PKHD1: variants seen among roughly 807,000 people sequenced by gnomAD.
PKHD1 encodes fibrocystin.
PKHD1 carries 291 observed loss-of-function variants against 412.0 expected under a neutral mutation model. That is an observed-to-expected ratio of 0.71 (90% CI 0.64 to 0.78). The LOEUF is 0.78. Ranked by LOEUF, PKHD1 falls within the 30% of genes least tolerant of loss-of-function variation. PKHD1 has a pLI of 0.00. For missense variants in PKHD1, 4,825 were observed against 4,950.7 expected (o/e 0.97, Z 0.76); for synonymous variants, 1,777 against 1,821.5 (o/e 0.98, Z 0.62).
At chr6:51,680,527 T>C (rs974123351) in intron 60 of PKHD1, among the ~76,000 whole-genome samples, 3 of 152,070 alleles carry the variant, frequency 2.0e-5, no homozygotes, top group African/African-American at 4.8e-5. Flanking sequence ...TCCAGGTATA[T>C]GTTCTATTTT....
chr6:52,079,691 G>A (rs1423010590), intron 5 of PKHD1, among the ~76,000 whole-genome samples: 1 of 152,164 alleles, frequency 6.6e-6, no homozygotes, highest in Non-Finnish European at 1.5e-5. Flanking sequence ...ATCAAATGAT[G>A]TACATAAAGC....
chr6:51,819,845 T>C (rs376263209), intron 52 of PKHD1, among the ~76,000 whole-genome samples: 78 of 152,344 alleles, frequency 5.1e-4, no homozygotes, highest in African/African-American at 1.8e-3. Flanking sequence ...GGATGGCATT[T>C]GGACCATTAG....
chr6:51,891,634 A>G (rs1453145370), intron 43 of PKHD1, among the ~76,000 whole-genome samples: 2 of 151,828 alleles, frequency 1.3e-5, no homozygotes. Context: ...ACTGGCAGTG[A>G]TAATATAGCG....
intron 60 of PKHD1, among the ~76,000 whole-genome samples, chr6:51,676,155 G>A (rs1775807546): frequency 1.3e-5 from 2 of 149,354 alleles, no homozygotes; most frequent in South Asian, 2.1e-4. Flanking sequence ...TGTCCTTCCT[G>A]TCGTGAAATG....
intron 52 of PKHD1, among the ~76,000 whole-genome samples, chr6:51,807,086 C>G (rs758975307): frequency 6.6e-5 from 10 of 152,044 alleles, no homozygotes; most frequent in Non-Finnish European, 1.3e-4. Context: ...CTGCTAATAA[C>G]CAATAGAAAT....
Position 51,648,130 on chromosome 6 carries a change from A to C in PKHD1, c.11311-12T>G. 2 of 1,482,014 alleles carry C rather than the reference A, an allele frequency of 1.3e-6. No individual in the cohort carries two copies. The highest frequency in any genetic ancestry group is 1.1e-5 in the South Asian group (1 of 88,518). The allele number at this position is 1,482,014 out of a possible 1,614,324, so 91.8% of individuals were successfully genotyped here. Reference sequence around the variant, plus strand: ...TCTACTCTTCGATTCTAGAAATGGGAATAGGAGGAGGGAGGAAGAAAAAGT... The same window carrying C: ...TCTACTCTTCGATTCTAGAAATGGGCATAGGAGGAGGGAGGAAGAAAAAGT... On this transcript the variant is annotated splice_polypyrimidine_tract_variant and intron_variant, in intron 62 of 66. Coordinates refer to ENST00000371117, the MANE Select transcript of PKHD1 (RefSeq NM_138694.4).
intron 60 of PKHD1, among the ~76,000 whole-genome samples, chr6:51,674,626 T>C (rs1775546862): frequency 6.6e-6 from 1 of 152,136 alleles, no homozygotes; most frequent in African/African-American, 2.4e-5. Context: ...TTTGGCAAAG[T>C]TAAATGTAGT....
chr6:51,810,410 T>C (rs2397068), intron 52 of PKHD1, among the ~76,000 whole-genome samples: 90,832 of 151,958 alleles, frequency 0.6, 27,555 homozygotes, highest in East Asian at 0.78. Flanking sequence ...AAATCTTGTT[T>C]TAAATGTCTG....
intron 60 of PKHD1, among the ~76,000 whole-genome samples, chr6:51,731,166 T>C (rs1020241240): frequency 6.6e-6 from 1 of 151,988 alleles, no homozygotes; most frequent in Non-Finnish European, 1.5e-5. Flanking sequence ...TTATTAAAAC[T>C]TGAAGACTAG....
chr6:51,856,120 A>T, intron 48 of PKHD1, 50 bp from the exon 49 acceptor site: 1 of 1,076,204 alleles, frequency 9.3e-7, no homozygotes, highest in Middle Eastern at 2.1e-4. Flanking sequence ...TTATTTGCTC[A>T]TTCTGAATCC....
intron 52 of PKHD1, among the ~76,000 whole-genome samples, chr6:51,820,302 C>T (rs1766176716): frequency 6.6e-6 from 1 of 152,210 alleles, no homozygotes; most frequent in Non-Finnish European, 1.5e-5. Context: ...TCTATTAATA[C>T]AGTCTGTCAG....
At chr6:51,841,465 A>G (rs1418891088) in intron 50 of PKHD1, among the ~76,000 whole-genome samples, 1 of 151,608 alleles carries the variant, frequency 6.6e-6, no homozygotes, top group Non-Finnish European at 1.5e-5. Flanking sequence ...GTTGTTTCCA[A>G]CCAAGAGGCA....
chr6:51,780,704 C>T (rs182529207), intron 53 of PKHD1, among the ~76,000 whole-genome samples: 6 of 152,056 alleles, frequency 3.9e-5, no homozygotes, highest in South Asian at 4.1e-4. Flanking sequence ...ATATATTTTT[C>T]ATTTTATAAA....
Position 51,659,267 on chromosome 6 carries a change from C to G in PKHD1, c.10859G>C (p.Arg3620Pro). 1 of 1,613,742 alleles carries G rather than the reference C, an allele frequency of 6.2e-7. No individual in the cohort carries two copies. ...AIADSRAKRK[R>P]NCPTVTCTSH... ...AGTGCAAGTCACAGTAGGGCAATTG[C>G]GCTTTCTTTTTGCTCTACTGTCAGC... The change falls in exon 61 of 67, where the codon CGC becomes CCC. Residue 3620 changes from arginine to proline, a missense_variant. By Grantham distance (103) the Arg-to-Pro change is moderately radical. Coordinates refer to ENST00000371117, the MANE Select transcript of PKHD1 (RefSeq NM_138694.4).
chr6:52,059,883 T>C, intron 15 of PKHD1, 45 bp downstream of exon 15: 1 of 906,858 alleles, frequency 1.1e-6, no homozygotes, highest in East Asian at 2.4e-5. Flanking sequence ...TTCATGGGTA[T>C]GGGACTGGCA....
At chr6:52,019,378 C>A (rs1290030132) in intron 33 of PKHD1, among the ~76,000 whole-genome samples, 1 of 152,146 alleles carries the variant, frequency 6.6e-6, no homozygotes, top group Non-Finnish European at 1.5e-5. Flanking sequence ...TTCTAAAGCA[C>A]CTGGCACCTA....
chr6:51,677,963 C>CTA (rs1278257266), intron 60 of PKHD1, among the ~76,000 whole-genome samples: 1 of 152,084 alleles, frequency 6.6e-6, no homozygotes, highest in Non-Finnish European at 1.5e-5. Context: ...ATGTCATCAT[C>CTA]TATACATTGC....
At chr6:51,672,591 C>A (rs1313034891) in intron 60 of PKHD1, among the ~76,000 whole-genome samples, 1 of 152,096 alleles carries the variant, frequency 6.6e-6, no homozygotes, top group African/African-American at 2.4e-5. Flanking sequence ...TTTGGCTATA[C>A]CCAGTAAGAT....
rs1582101669 is a variant in PKHD1 at position 52,072,186 on chromosome 6, T to C, written c.531A>G (p.Pro177=). The C allele has an allele frequency of 2.5e-6, 4 of 1,598,932 alleles. No individual in the cohort carries two copies. Among genetic ancestry groups the C allele is most frequent in the Non-Finnish European group, 3.4e-6 (4 of 1,166,496 alleles). ...FDFDAEYIDS[P]VILEAQGDKW... ...TGTCTCCTTGAGCTTCCAAGATCAC[T>C]GGGCTGGATTTAAAAAAAAATGAAA... The change falls in exon 8 of 67, where the codon CCA becomes CCG. Residue 177 remains proline (P), a synonymous_variant. Transcript: ENST00000371117.
Sources: gnomAD v4.1 joint callset for allele counts (sites outside exome capture counted in the v4.1 genomes callset) on GRCh38, gnomAD v4.1.1 for gene constraint, MANE v1.5 for transcripts, NCBI Gene and HGNC (gene_info 2026-07-23, HGNC 2026-07-21) for gene names.